The following LRRC37A variants were observed in gnomAD, a reference collection of about 807,000 sequenced individuals.
LRRC37A encodes the protein leucine rich repeat containing 37A.
LRRC37A carries 3 observed loss-of-function variants against 35.4 expected under a neutral mutation model. The ratio of observed to expected loss-of-function variants is 0.08; its 90% confidence interval spans 0.04 to 0.22. The LOEUF (loss-of-function observed/expected upper bound fraction) is 0.22. Among genes scored for constraint, LRRC37A ranks in the 10% least tolerant of loss-of-function variants. LRRC37A has a pLI of 1.00. For missense variants in LRRC37A, 67 were observed against 565.3 expected (o/e 0.12, Z 8.94); for synonymous variants, 23 against 215.0 (o/e 0.11, Z 7.81).
chr17:46,272,038 G>A, the LRRC37A span, among the ~76,000 whole-genome samples: 30 of 152,372 alleles, frequency 2.0e-4, no homozygotes, highest in African/African-American at 7.2e-4. Context: ...GGGATTATAG[G>A]CGTGAGCCAC....
At chr17:46,254,348 T>C in the LRRC37A span, among the ~76,000 whole-genome samples, 20 of 137,576 alleles carry the variant, frequency 1.5e-4, no homozygotes, top group Non-Finnish European at 2.8e-4. Context: ...GATCAGGAAA[T>C]ACTATTATGG....
At chr17:46,249,105 A>C in the LRRC37A span, among the ~76,000 whole-genome samples, 2 of 152,088 alleles carry the variant, frequency 1.3e-5, no homozygotes, top group African/African-American at 4.8e-5. Flanking sequence ...AAAAGACTTC[A>C]GCATCTGTGG....
chr17:46,275,104 C>G, the LRRC37A span: 1,884 of 223,750 alleles, frequency 8.4e-3, 43 homozygotes, highest in African/African-American at 0.043. Context: ...ATTGGTCAGG[C>G]TGGTCTCGAA....
At chr17:46,255,970 C>T in the LRRC37A span, among the ~76,000 whole-genome samples, 4 of 152,260 alleles carry the variant, frequency 2.6e-5, no homozygotes, top group South Asian at 4.1e-4. Flanking sequence ...CCACCACACC[C>T]GGCCTCGGCC....
At chr17:46,275,153 A>G in the LRRC37A span, 3 of 263,512 alleles carry the variant, frequency 1.1e-5, no homozygotes, top group South Asian at 5.5e-5. Flanking sequence ...TGGCCTCCCA[A>G]AGTGCTGGGA....
the LRRC37A span, among the ~76,000 whole-genome samples, chr17:46,280,569 CT>C: frequency 5.3e-4 from 59 of 111,996 alleles, no homozygotes; most frequent in East Asian, 1.9e-3. Flanking sequence ...TGATAGCACA[CT>C]TTTTTTTTTT....
chr17:46,258,707 CTTTTTTTTTT>C, the LRRC37A span, among the ~76,000 whole-genome samples: 3 of 81,126 alleles, frequency 3.7e-5, no homozygotes, highest in African/African-American at 9.9e-5. Context: ...GACTATTATT[CTTTTTTTTTT>C]TTTTTTTTTT....
the LRRC37A span, among the ~76,000 whole-genome samples, chr17:46,282,899 A>G: frequency 6.6e-6 from 1 of 152,198 alleles, no homozygotes; most frequent in Non-Finnish European, 1.5e-5. Flanking sequence ...CGAGCGGATC[A>G]CCTGAGGTCA....
chr17:46,308,077 G>A (rs1215982619), intron 5 of LRRC37A, among the ~76,000 whole-genome samples: 1 of 70,256 alleles, frequency 1.4e-5, no homozygotes. Context: ...CTACAATTAT[G>A]TAGGCAACAC....
At chr17:46,273,920 G>A in the LRRC37A span, among the ~76,000 whole-genome samples, 1 of 152,250 alleles carries the variant, frequency 6.6e-6, no homozygotes, top group East Asian at 1.9e-4. Context: ...AATTTGCCCA[G>A]TATCACAGAA....
chr17:46,260,834 G>T, the LRRC37A span, among the ~76,000 whole-genome samples: 2 of 152,110 alleles, frequency 1.3e-5, no homozygotes, highest in South Asian at 2.1e-4. Context: ...TGTTGGTCAG[G>T]CTGGTCTCAA....
the LRRC37A span, among the ~76,000 whole-genome samples, chr17:46,256,409 A>G: frequency 6.6e-6 from 1 of 152,044 alleles, no homozygotes; most frequent in African/African-American, 2.4e-5. Flanking sequence ...CAAAACAAAA[A>G]GAAAAAAAAA....
chr17:46,271,977 G>A, the LRRC37A span, among the ~76,000 whole-genome samples: 33 of 152,296 alleles, frequency 2.2e-4, no homozygotes, highest in African/African-American at 7.7e-4. Context: ...GGTCAGGCAG[G>A]TCTCTAACTC....
chr17:46,289,892 G>A (rs563779766), upstream of LRRC37A, among the ~76,000 whole-genome samples: 10 of 152,304 alleles, frequency 6.6e-5, no homozygotes, highest in South Asian at 2.1e-4. Context: ...GGCCGAGGGC[G>A]GAAGATCACT....
chr17:46,279,122 G>A, the LRRC37A span, among the ~76,000 whole-genome samples: 3 of 151,674 alleles, frequency 2.0e-5, no homozygotes, highest in African/African-American at 4.9e-5. Context: ...ACATTATTAC[G>A]ACAATGTAAA....
chr17:46,279,411 C>T, the LRRC37A span, among the ~76,000 whole-genome samples: 6 of 151,168 alleles, frequency 4.0e-5, no homozygotes, highest in Admixed American at 6.6e-5. Context: ...CTTGAACTCC[C>T]GACCTCAGGT....
chr17:46,275,922 G>A, the LRRC37A span, among the ~76,000 whole-genome samples: 5 of 150,458 alleles, frequency 3.3e-5, no homozygotes, highest in South Asian at 2.1e-4. Flanking sequence ...ACGAAGTCTC[G>A]CTTTTGTCCC....
At chr17:46,275,278 G>C in the LRRC37A span, 2 of 566,400 alleles carry the variant, frequency 3.5e-6, no homozygotes, top group Non-Finnish European at 5.9e-6. Flanking sequence ...TTTAGGTCAA[G>C]TCTTGTCAGG....
the LRRC37A span, among the ~76,000 whole-genome samples, chr17:46,278,079 G>A: frequency 7.9e-5 from 12 of 152,252 alleles, no homozygotes; most frequent in Non-Finnish European, 1.6e-4. Flanking sequence ...CAGAGTAGCT[G>A]GGACTTACAG....
Sources: allele counts gnomAD v4.1 joint callset (sites outside exome capture counted in the v4.1 genomes callset), GRCh38; gene constraint gnomAD v4.1.1; transcripts MANE v1.5; gene names NCBI Gene and HGNC (gene_info 2026-07-23, HGNC 2026-07-21).